Variants in DDO observed in about 807,000 individuals in gnomAD.
The protein encoded by DDO is D-aspartate oxidase, also known as D-aspartate oxidase, DDO.
DDO carries 16 observed loss-of-function variants against 16.8 expected under a neutral mutation model. The observed-to-expected ratio is 0.95, with a 90% CI of 0.65 to 1.45. The LOEUF (loss-of-function observed/expected upper bound fraction) is 1.45. Ranked by LOEUF, DDO falls within the 40% of genes most tolerant of loss-of-function variation. DDO has a pLI of 0.00. For synonymous variants in DDO, 180 were observed against 167.2 expected (o/e 1.08, Z -0.59); for missense variants, 429 against 420.3 (o/e 1.02, Z -0.18).
chr6:110,394,725 C>T (rs767078656), intron 4 of DDO, among the ~76,000 whole-genome samples: 1 of 152,198 alleles, frequency 6.6e-6, no homozygotes. Context: ...AGCTCTGCCT[C>T]ACATTAGCTT....
intron 3 of DDO, among the ~76,000 whole-genome samples, chr6:110,407,724 C>T (rs1381488329): frequency 1.3e-5 from 2 of 151,992 alleles, no homozygotes; most frequent in East Asian, 1.9e-4. Flanking sequence ...TTTAAGTGCT[C>T]GTCTTACTAA....
rs552966709 is a variant in DDO, at chr6:110,408,855, G to A, written c.173-413C>T. ...TTGAGACAATAGGACCAAGGACAGA[G>A]GGCCTCTTTCTTGGGGGCTGAAAAC... On this transcript the variant is annotated intron_variant, in intron 2 of 4. Coordinates refer to ENST00000368924, the MANE Select transcript of DDO (RefSeq NM_001372108.2). Among the ~76,000 whole-genome samples, 11 of 152,354 alleles carry A rather than the reference G, an allele frequency of 7.2e-5. No homozygotes were observed. The East Asian group carries it at 1.9e-3, about 27-fold the overall frequency.
intron 4 of DDO, among the ~76,000 whole-genome samples, chr6:110,403,896 G>A (rs760746292): frequency 5.9e-5 from 9 of 152,224 alleles, no homozygotes; most frequent in East Asian, 1.9e-4. Context: ...ATATATAAGC[G>A]TTCAACAAAA....
chr6:110,388,983 C>G (rs559022317), downstream of DDO, among the ~76,000 whole-genome samples: 44 of 152,160 alleles, frequency 2.9e-4, no homozygotes, highest in African/African-American at 1.0e-3. Context: ...GTCAAATGGA[C>G]TGAGCTAAGG....
intron 1 of DDO, 51 bp from the exon 2 acceptor site, chr6:110,413,517 T>A: frequency 1.3e-6 from 2 of 1,582,324 alleles, no homozygotes; most frequent in East Asian, 2.3e-5. Flanking sequence ...GATTTTCCCA[T>A]CCAGACAAAG....
intron 4 of DDO, among the ~76,000 whole-genome samples, chr6:110,403,678 T>A (rs890066984): frequency 6.6e-6 from 1 of 152,222 alleles, no homozygotes; most frequent in Non-Finnish European, 1.5e-5. Flanking sequence ...GCCACTGACA[T>A]GTGCCTAGCA....
downstream of DDO, among the ~76,000 whole-genome samples, chr6:110,390,037 T>C (rs971828414): frequency 6.6e-6 from 1 of 152,236 alleles, no homozygotes; most frequent in African/African-American, 2.4e-5. Flanking sequence ...AGCTGACTGA[T>C]AGCCAGCAAG....
At chr6:110,389,038 AG>A (rs1394702834), downstream of DDO, among the ~76,000 whole-genome samples, 4 of 152,234 alleles carry the variant, frequency 2.6e-5, no homozygotes, top group East Asian at 7.7e-4. Context: ...TGTATATATG[AG>A]GATATCTTTG....
At chr6:110,405,447 G>A (rs1773620433) in intron 3 of DDO, among the ~76,000 whole-genome samples, 1 of 152,158 alleles carries the variant, frequency 6.6e-6, no homozygotes, top group Non-Finnish European at 1.5e-5. Context: ...GTTGGTGACT[G>A]GGCAAATAAA....
chr6:110,395,152 A>G (rs936825511), intron 4 of DDO, among the ~76,000 whole-genome samples: 12 of 152,206 alleles, frequency 7.9e-5, no homozygotes. Flanking sequence ...GATGAGAAAA[A>G]CATTTAAATC....
Position 110,392,477 on chromosome 6 carries a change from A to T in DDO, c.*298T>A. 1 of 1,097,910 alleles carries T rather than the reference A, an allele frequency of 9.1e-7. No individual in the cohort carries two copies. Among genetic ancestry groups the T allele is most frequent in the African/African-American group, 1.6e-5 (1 of 61,318 alleles). 68.0% of individuals were successfully genotyped at this position (1,097,910 alleles called of 1,614,324 possible). ...AATGCTGGACTTCCTAAGTAAGCCT[A>T]CATGTTGCATCATTTCTTTTGTTGT... On this transcript the variant is annotated 3_prime_UTR_variant, in exon 5 of 5. Transcript: ENST00000368924.
chr6:110,404,950 A>G lies in DDO; in HGVS notation c.282T>C (p.Gly94=), dbSNP rs1773600159. The G allele has an allele frequency of 6.2e-7, 1 of 1,613,890 alleles. No homozygotes were observed. Among genetic ancestry groups the G allele is most frequent in the African/African-American group, 1.3e-5 (1 of 75,026 alleles). The change falls in exon 4 of 5, where the codon GGT becomes GGC. Residue 94 remains glycine, a splice_region_variant and synonymous_variant. Transcript: ENST00000368924. ...AGDAGVHLVS[G]WQIFQSTPTE... Reference sequence around the variant, plus strand: ...TCGGAGTGCTCTGAAATATCTGCCAACTCAAACGTATTAAGTGAACATTTT... The same window carrying G: ...TCGGAGTGCTCTGAAATATCTGCCAGCTCAAACGTATTAAGTGAACATTTT...
At chr6:110,403,500 A>T (rs559775550) in intron 4 of DDO, among the ~76,000 whole-genome samples, 12 of 152,326 alleles carry the variant, frequency 7.9e-5, no homozygotes, top group African/African-American at 2.6e-4. Context: ...GCTGATGTAG[A>T]CAAGTCCAAA....
At chr6:110,399,688 G>A (rs886385192) in intron 4 of DDO, among the ~76,000 whole-genome samples, 5 of 152,236 alleles carry the variant, frequency 3.3e-5, no homozygotes, top group Non-Finnish European at 7.3e-5. Flanking sequence ...GGGCTGCAGG[G>A]AGCTAATCTG....
At chr6:110,405,067 C>CAAAAATA in intron 3 of DDO, 117 bp from the exon 4 acceptor site, 1 of 1,049,592 alleles carries the variant, frequency 9.5e-7, no homozygotes, top group Non-Finnish European at 1.4e-6. Context: ...GACAGAGTCT[C>CAAAAATA]ACTCCATCAC....
At chr6:110,396,553 C>T (rs1232757119) in intron 4 of DDO, among the ~76,000 whole-genome samples, 2 of 152,044 alleles carry the variant, frequency 1.3e-5, no homozygotes, top group Admixed American at 1.3e-4. Context: ...ATATTGTTTA[C>T]CTGAGACAAG....
At chr6:110,405,502 C>T (rs576962782) in intron 3 of DDO, among the ~76,000 whole-genome samples, 41 of 152,142 alleles carry the variant, frequency 2.7e-4, no homozygotes, top group South Asian at 1.4e-3. Flanking sequence ...ATTTAATACT[C>T]CTTTTCTAAA....
intron 4 of DDO, among the ~76,000 whole-genome samples, chr6:110,399,203 G>A (rs1195002401): frequency 2.0e-5 from 3 of 152,176 alleles, no homozygotes; most frequent in Admixed American, 6.5e-5. Context: ...TTTTGTTTGA[G>A]AACAAGATGA....
intron 4 of DDO, among the ~76,000 whole-genome samples, chr6:110,394,233 T>C (rs1421975814): frequency 6.6e-6 from 1 of 152,024 alleles, no homozygotes; most frequent in Non-Finnish European, 1.5e-5. Flanking sequence ...GCCTCCTGAG[T>C]AGCTGAGACC....
Sources: gnomAD v4.1 joint callset for allele counts (sites outside exome capture counted in the v4.1 genomes callset) on GRCh38, gnomAD v4.1.1 for gene constraint, MANE v1.5 for transcripts, NCBI Gene and HGNC (gene_info 2026-07-23, HGNC 2026-07-21) for gene names.